The following DTL variants were observed in gnomAD, a reference collection of about 807,000 sequenced individuals.
DTL encodes the protein denticleless E3 ubiquitin protein ligase adapter, also known as denticleless protein homolog.
In DTL, 46 loss-of-function variants were observed where a neutral mutation model predicts 87.0. The ratio of observed to expected loss-of-function variants is 0.53; its 90% CI spans 0.42 to 0.68. The LOEUF (loss-of-function observed/expected upper bound fraction) is 0.68. Among genes scored for constraint, DTL ranks in the 30% least tolerant of loss-of-function variants. DTL has a pLI of 0.00. For missense variants in DTL, 737 were observed against 869.4 expected, an observed-to-expected ratio of 0.85 and a Z score of 1.91; for synonymous variants, 308 against 311.2, an observed-to-expected ratio of 0.99 and a Z score of 0.11.
chr1:212,058,998 C>G (rs1460886208), intron 5 of DTL, among the ~76,000 whole-genome samples: 1 of 152,034 alleles, frequency 6.6e-6, no homozygotes, highest in Non-Finnish European at 1.5e-5. Flanking sequence ...ACTAGGAAAC[C>G]TGATCAAATC....
intron 6 of DTL, 44 bp from the exon 7 acceptor site, chr1:212,064,873 A>C: frequency 6.8e-7 from 1 of 1,462,768 alleles, no homozygotes; most frequent in Non-Finnish European, 9.6e-7. Context: ...TATATTCAGC[A>C]TGTAAGAATC....
intron 2 of DTL, among the ~76,000 whole-genome samples, chr1:212,044,394 CAGG>C (rs1267607391): frequency 3.3e-5 from 5 of 152,152 alleles, no homozygotes; most frequent in African/African-American, 1.2e-4. Flanking sequence ...CACTTGAGGT[CAGG>C]AGTTCGAGAG....
At chr1:212,071,236 A>G (rs374425608) in intron 10 of DTL, among the ~76,000 whole-genome samples, 3 of 152,246 alleles carry the variant, frequency 2.0e-5, no homozygotes, top group African/African-American at 4.8e-5. Flanking sequence ...CCCTACTAAT[A>G]CTTTTCTCTC....
chr1:212,065,114 ATCT>A, intron 7 of DTL, 85 bp downstream of exon 7: 1 of 956,640 alleles, frequency 1.0e-6, no homozygotes, highest in Non-Finnish European at 1.6e-6. Context: ...GTGAATGAGA[ATCT>A]TCATGATTCT....
At chr1:212,059,873 A>G (rs1315953146) in intron 5 of DTL, among the ~76,000 whole-genome samples, 2 of 151,810 alleles carry the variant, frequency 1.3e-5, no homozygotes, top group African/African-American at 2.4e-5. Context: ...TAGCATTTCT[A>G]TACATCAATA....
intron 13 of DTL, among the ~76,000 whole-genome samples, chr1:212,096,988 G>A (rs940453641): frequency 1.3e-5 from 2 of 152,092 alleles, no homozygotes; most frequent in Non-Finnish European, 2.9e-5. Flanking sequence ...GTATTTCAAG[G>A]TTTTGCTCTA....
intron 1 of DTL, among the ~76,000 whole-genome samples, chr1:212,039,185 T>C (rs1042393576): frequency 6.6e-6 from 1 of 152,236 alleles, no homozygotes; most frequent in Non-Finnish European, 1.5e-5. Context: ...GAATTTTCAA[T>C]TCAATTATTA....
chr1:212,046,893 T>C (rs1338947430), intron 3 of DTL, among the ~76,000 whole-genome samples: 1 of 152,192 alleles, frequency 6.6e-6, no homozygotes, highest in Non-Finnish European at 1.5e-5. Context: ...TTGAATTAAT[T>C]TACATTCCCA....
intron 11 of DTL, among the ~76,000 whole-genome samples, chr1:212,076,930 C>CT (rs1293137747): frequency 6.6e-6 from 1 of 152,148 alleles, no homozygotes; most frequent in African/African-American, 2.4e-5. Context: ...AGACTCTGCT[C>CT]TTTGTCTTCT....
rs995242987 is a variant in DTL, at chr1:212,071,643, G to A, written c.923-458G>A. ...TGTTTGAGGATCTACTCTGTTCAAA[G>A]CACTATAAAGTCTAGTGAGGAAAAA... On this transcript the variant is annotated intron_variant, in intron 10 of 14. Coordinates refer to ENST00000366991, the MANE Select transcript of DTL (RefSeq NM_016448.4). Among the ~76,000 whole-genome samples the A allele has an allele frequency of 5.5e-4, 83 of 151,820 alleles. 1 individual carries two copies. The highest frequency in any genetic ancestry group is 1.8e-3 in the African/African-American group (76 of 41,306).
intron 6 of DTL, 108 bp from the exon 7 acceptor site, chr1:212,064,806 CTAA>C (rs1654442443): frequency 1.2e-6 from 1 of 826,544 alleles, no homozygotes; most frequent in African/African-American, 1.7e-5. Flanking sequence ...CTGCTGGCTT[CTAA>C]TTTCACCAAC....
chr1:212,078,156 GT>G lies in DTL; in HGVS notation c.1036-12del. 6.6e-7 allele frequency: 1 copy of G among 1,513,652 alleles called. No individual in the cohort carries two copies. Among genetic ancestry groups the G allele is most frequent in the Middle Eastern group, 1.7e-4 (1 of 5,880 alleles). 93.8% of individuals were successfully genotyped at this position (1,513,652 alleles called of 1,614,324 possible). A position where few individuals can be genotyped will look rare whatever the true frequency, so the allele number is the denominator to read the frequency against. On this transcript the variant is annotated splice_polypyrimidine_tract_variant and intron_variant, in intron 11 of 14. Coordinates refer to ENST00000366991, the MANE Select transcript of DTL (RefSeq NM_016448.4). ...CTAATATTGCTTTGCTGACTTGTTTGTTTTTGATTGGACTAGGTCTCCACAC... is the reference window on the plus strand; with the variant it reads ...CTAATATTGCTTTGCTGACTTGTTTGTTTTGATTGGACTAGGTCTCCACAC...
intron 5 of DTL, among the ~76,000 whole-genome samples, chr1:212,055,303 G>A (rs1180271498): frequency 6.6e-6 from 1 of 152,116 alleles, no homozygotes; most frequent in Non-Finnish European, 1.5e-5. Flanking sequence ...AATAGCCATG[G>A]GAGACCCCTT....
chr1:212,078,048 T>A, intron 11 of DTL, 125 bp from the exon 12 acceptor site: 1 of 521,862 alleles, frequency 1.9e-6, no homozygotes, highest in African/African-American at 2.0e-5. Flanking sequence ...TAACTATAGC[T>A]AGGCAGGTCT....
intron 13 of DTL, among the ~76,000 whole-genome samples, chr1:212,090,839 C>T (rs1655260507): frequency 1.3e-5 from 2 of 152,192 alleles, no homozygotes; most frequent in Admixed American, 6.5e-5. Flanking sequence ...AAAACTATCT[C>T]CTTTAACAGA....
intron 13 of DTL, among the ~76,000 whole-genome samples, chr1:212,087,684 C>T (rs538234287): frequency 3.9e-5 from 6 of 152,266 alleles, no homozygotes; most frequent in African/African-American, 9.6e-5. Flanking sequence ...CAACCTGACA[C>T]GGGTTTTCAA....
chr1:212,075,626 C>G (rs1051653906), intron 11 of DTL, among the ~76,000 whole-genome samples: 1 of 152,146 alleles, frequency 6.6e-6, no homozygotes, highest in African/African-American at 2.4e-5. Flanking sequence ...CCTAAACTAT[C>G]AAAGCATAAA....
Position 212,044,768 on chromosome 1 carries a change from G to C in DTL, c.277+10G>C. ...AAGAAGTGCTTCAAAGGTAAGTCTA[G>C]GTCTACAATTTTTGTTTTAACATTT... On this transcript the variant is annotated intron_variant, in intron 3 of 14. Transcript: ENST00000366991. 6 of 1,557,814 alleles carry C rather than the reference G, an allele frequency of 3.9e-6. No individual in the cohort carries two copies. The highest frequency in any genetic ancestry group is 5.3e-6 in the Non-Finnish European group (6 of 1,140,938).
intron 3 of DTL, among the ~76,000 whole-genome samples, chr1:212,046,453 C>T (rs562891286): frequency 4.3e-4 from 66 of 152,304 alleles, no homozygotes; most frequent in Non-Finnish European, 6.9e-4. Context: ...CATGCTCCCC[C>T]TCAAGAGGCC....
Sources: gnomAD v4.1 joint callset for allele counts (sites outside exome capture counted in the v4.1 genomes callset) on GRCh38, gnomAD v4.1.1 for gene constraint, MANE v1.5 for transcripts, NCBI Gene and HGNC (gene_info 2026-07-23, HGNC 2026-07-21) for gene names.